Variants in MTAP observed in about 807,000 individuals in gnomAD.
MTAP encodes S-methyl-5'-thioadenosine phosphorylase.
In MTAP, 33 loss-of-function variants were observed where a neutral mutation model predicts 33.6. That is an observed-to-expected ratio of 0.98 (90% confidence interval 0.74 to 1.31). MTAP has a LOEUF of 1.31. MTAP is among the 40% of genes most tolerant of loss of function. The pLI, the probability that MTAP is intolerant of heterozygous loss-of-function variation, is 0.00. For missense variants in MTAP, 367 were observed against 360.0 expected (o/e 1.02, Z -0.16); for synonymous variants, 148 against 125.7 (o/e 1.18, Z -1.19).
At chr9:21,899,030 A>G (rs1282049734) in intron 1 of MTAP, among the ~76,000 whole-genome samples, 1 of 152,130 alleles carries the variant, frequency 6.6e-6, no homozygotes, top group African/African-American at 2.4e-5. Flanking sequence ...TGGCACATAT[A>G]CACCATGGAA....
At chr9:21,826,657 C>T (rs1449823557) in intron 4 of MTAP, among the ~76,000 whole-genome samples, 1 of 146,914 alleles carries the variant, frequency 6.8e-6, no homozygotes, top group Non-Finnish European at 1.5e-5. Context: ...TATTTAACTG[C>T]ACAAGTAATA....
Position 21,863,804 on chromosome 9 carries a change from T to C in MTAP, c.*1790T>C. 1.0e-6 allele frequency: 1 copy of C among 985,872 alleles called. No homozygotes were observed. The highest frequency in any genetic ancestry group is 1.2e-6 in the Non-Finnish European group (1 of 829,938). 61.1% of individuals were successfully genotyped at this position (985,872 alleles called of 1,614,324 possible). The stretch of plus-strand genomic sequence containing the variant: ...AATGTGTTTGTTTGTGTCTCTGAGA[T>C]TGACTTCAAGATAATAAGCTGCTAA... On this transcript the variant is annotated 3_prime_UTR_variant, in exon 8 of 8. Coordinates refer to ENST00000644715, the MANE Select transcript of MTAP (RefSeq NM_002451.4).
At chr9:21,905,430 A>G (rs72691594) in intron 1 of MTAP, among the ~76,000 whole-genome samples, 13,015 of 152,030 alleles carry the variant, frequency 0.086, 720 homozygotes, top group East Asian at 0.22. Context: ...GCAATAAATT[A>G]AAACCAGCAT....
intron 5 of MTAP, among the ~76,000 whole-genome samples, chr9:21,849,525 G>T (rs1825462608): frequency 6.6e-6 from 1 of 152,206 alleles, no homozygotes; most frequent in African/African-American, 2.4e-5. Flanking sequence ...ATACTTAGCA[G>T]CTGGCAGAAC....
In MTAP at chr9:21,806,642, G is replaced by A. The variant is rs528566274; in HGVS notation, c.33+3861G>A. Among the ~76,000 whole-genome samples the A allele has an allele frequency of 9.9e-4, 151 of 152,198 alleles. 1 individual carries two copies. Among genetic ancestry groups the A allele is most frequent in the African/African-American group, 3.5e-3 (146 of 41,500 alleles). On this transcript the variant is annotated intron_variant, in intron 1 of 7. Transcript: ENST00000644715. ...AGGGAGTGAGGATATTACCTGGGGG[G>A]TAGCCATGGAGAGAGGCAGCAGGAG...
chr9:21,902,440 A>G (rs1202501767), intron 1 of MTAP, among the ~76,000 whole-genome samples: 1 of 152,218 alleles, frequency 6.6e-6, no homozygotes, highest in Non-Finnish European at 1.5e-5. Context: ...ACATGTCTGT[A>G]ATACTATGAA....
At chr9:21,854,925 GGTGTCTTAACT>G (rs1185319525) in intron 6 of MTAP, 55 bp downstream of exon 6, 1 of 1,593,394 alleles carries the variant, frequency 6.3e-7, no homozygotes, top group African/African-American at 1.3e-5. Flanking sequence ...GTGCCAATAG[GGTGTCTTAACT>G]GTTTGTTTCT....
intron 1 of MTAP, among the ~76,000 whole-genome samples, chr9:21,898,133 A>C (rs1369223089): frequency 6.6e-6 from 1 of 152,250 alleles, no homozygotes; most frequent in African/African-American, 2.4e-5. Context: ...AAATGGGGAA[A>C]GGATTCCCTA....
chr9:21,818,560 C>A (rs1420774762), intron 4 of MTAP, among the ~76,000 whole-genome samples: 1 of 151,992 alleles, frequency 6.6e-6, no homozygotes, highest in South Asian at 2.1e-4. Context: ...ATCAGGAGAT[C>A]ACCCGCCTCC....
At chr9:21,877,864 T>C (rs1047297099) in intron 1 of MTAP, among the ~76,000 whole-genome samples, 1 of 152,202 alleles carries the variant, frequency 6.6e-6, no homozygotes, top group Non-Finnish European at 1.5e-5. Context: ...AGGATGATAC[T>C]GGCCTCATAG....
intron 1 of MTAP, among the ~76,000 whole-genome samples, chr9:21,909,662 G>A (rs1258505604): frequency 2.0e-5 from 3 of 152,012 alleles, no homozygotes; most frequent in Non-Finnish European, 4.4e-5. Flanking sequence ...CCTGAAAAGG[G>A]AGAGAAAGAT....
chr9:21,874,899 G>A lies in MTAP; in HGVS notation c.147+20029G>A, dbSNP rs138627916. ...GTGATGTTCCCCTCCCTGTGTCCAT[G>A]TGTTCTTATTGTTCAACTCCCACTT... On this transcript the variant is annotated intron_variant, in intron 1 of 1. Coordinates refer to the MTAP transcript ENST00000577563. Among the ~76,000 whole-genome samples the A allele has an allele frequency of 1.3e-3, 197 of 152,060 alleles. 1 individual carries two copies. Among genetic ancestry groups the A allele is most frequent in the African/African-American group, 4.7e-3 (193 of 41,466 alleles).
chr9:21,877,990 G>T (rs1483985506), intron 1 of MTAP, among the ~76,000 whole-genome samples: 1 of 152,006 alleles, frequency 6.6e-6, no homozygotes, highest in Non-Finnish European at 1.5e-5. Flanking sequence ...CTAGACATGA[G>T]CTTTTTATGG....
intron 5 of MTAP, among the ~76,000 whole-genome samples, chr9:21,851,538 C>T (rs190481107): frequency 1.9e-4 from 29 of 152,184 alleles, no homozygotes; most frequent in Admixed American, 1.4e-3. Flanking sequence ...TATTATGTTA[C>T]GTGTAATTAT....
At chr9:21,882,129 C>A (rs943978147) in intron 1 of MTAP, among the ~76,000 whole-genome samples, 37 of 151,826 alleles carry the variant, frequency 2.4e-4, no homozygotes, top group African/African-American at 8.0e-4. Context: ...GGATTTCCTT[C>A]CTTTTTACTG....
chr9:21,875,507 G>A (rs4977738), intron 1 of MTAP, among the ~76,000 whole-genome samples: 65,175 of 151,796 alleles, frequency 0.43, 16,404 homozygotes, highest in African/African-American at 0.66. Context: ...TGTCAGGTGG[G>A]TAGATTGCAA....
At chr9:21,833,758 G>A (rs184440485) in intron 4 of MTAP, among the ~76,000 whole-genome samples, 41 of 152,294 alleles carry the variant, frequency 2.7e-4, no homozygotes, top group African/African-American at 9.4e-4. Flanking sequence ...GCTTCTGCCA[G>A]GGGATGGGTG....
In MTAP at chr9:21,922,921, C is replaced by T. The variant is rs1004220882; in HGVS notation, c.148-8087C>T. Among the ~76,000 whole-genome samples the T allele has an allele frequency of 6.6e-6, 1 of 152,138 alleles. No individual in the cohort carries two copies. The highest frequency in any genetic ancestry group is 2.4e-5 in the African/African-American group (1 of 41,426). The stretch of plus-strand genomic sequence containing the variant: ...AAAGCCTAACACTGTGCAATGTCTG[C>T]AATTTCCTCTGCTTTTTCAAATACA... On this transcript the variant is annotated intron_variant, in intron 1 of 1. Coordinates refer to the MTAP transcript ENST00000577563. This position sits in a 1 kb window ranked among gnomAD's most constrained non-coding sequence, Gnocchi z 4.8.
At chr9:21,907,437 G>C (rs763996915) in intron 1 of MTAP, among the ~76,000 whole-genome samples, 2 of 152,184 alleles carry the variant, frequency 1.3e-5, no homozygotes, top group Non-Finnish European at 2.9e-5. Context: ...AGGTGCTGTA[G>C]TCTCAGCTAC....
Sources: gnomAD v4.1 joint callset for allele counts (sites outside exome capture counted in the v4.1 genomes callset) on GRCh38, gnomAD v4.1.1 for gene constraint, Gnocchi (gnomAD v3.1) non-coding constraint, MANE v1.5 for transcripts, NCBI Gene and HGNC (gene_info 2026-07-23, HGNC 2026-07-21) for gene names.